LARGE1: variants seen among roughly 807,000 people sequenced by gnomAD.
The protein encoded by LARGE1 is xylosyl- and glucuronyltransferase LARGE1.
A neutral mutation model predicts 87.6 loss-of-function variants in LARGE1; 43 were observed. The ratio of observed to expected loss-of-function variants is 0.49; its 90% CI spans 0.38 to 0.63. The LOEUF is 0.63. LARGE1 is among the 30% of genes least tolerant of loss of function. LARGE1 has a pLI of 0.00. For synonymous variants in LARGE1, 434 were observed against 394.6 expected, an observed-to-expected ratio of 1.10 and a Z score of -1.18; for missense variants, 802 against 1,000.2, an observed-to-expected ratio of 0.80 and a Z score of 2.67.
chr22:33,747,413 A>G (rs79058074), intron 2 of LARGE1, among the ~76,000 whole-genome samples: 6,450 of 151,892 alleles, frequency 0.042, 393 homozygotes, highest in African/African-American at 0.14. Flanking sequence ...CAAAAGCACC[A>G]AGCACTCTCC....
chr22:33,732,521 G>A (rs1229222136), intron 2 of LARGE1: 1 of 152,646 alleles, frequency 6.6e-6, no homozygotes, highest in Non-Finnish European at 1.5e-5. Context: ...GATTTGGGAA[G>A]TTGACAGAGA....
chr22:33,458,645 C>T (rs2068241311), intron 6 of LARGE1, among the ~76,000 whole-genome samples: 2 of 150,636 alleles, frequency 1.3e-5, no homozygotes, highest in Non-Finnish European at 3.0e-5. Context: ...TCAGGCTGGT[C>T]TCGAACTCCT....
At position 33,384,291 on chromosome 22, in the gene LARGE1, T is replaced by A. The variant is rs1251023666; in HGVS notation, c.906A>T (p.Leu302Phe). Residue 302 changes from leucine (L) to phenylalanine (F), a missense_variant, in exon 8 of 15, where the codon TTA becomes TTT. Physicochemically the swap from Leu to Phe is conservative, Grantham distance 22. Around this residue, in one of 2 missense-constraint regions of LARGE1, gnomAD observed 625 missense variants for 841.9 expected, o/e 0.74. Transcript: ENST00000397394. ...TCATCTTCCGCAGCTTATCCAGAAG[T>A]AACAGGATCACCCCTGGGCAACAGC... is the stretch of plus-strand genomic sequence containing the variant. The part of the protein sequence containing the change: ...GRGYNTGVIL[L>F]LLDKLRKMKW... 1.2e-6 allele frequency: 2 copies of A among 1,613,322 alleles called. No individual in the cohort carries two copies. Among genetic ancestry groups the A allele is most frequent in the Admixed American group, 3.3e-5 (2 of 59,982 alleles).
intron 1 of LARGE1, among the ~76,000 whole-genome samples, chr22:33,774,086 T>TGGGGGGGGGGGGGG (rs1341622351): frequency 1.3e-5 from 1 of 77,706 alleles, no homozygotes; most frequent in African/African-American, 5.2e-5. Context: ...GGGGTGGGGG[T>TGGGGGGGGGGGGGG]GGAGGGGCGG....
intron 5 of LARGE1, among the ~76,000 whole-genome samples, chr22:33,600,961 T>G (rs536452825): frequency 8.5e-5 from 13 of 152,068 alleles, no homozygotes; most frequent in African/African-American, 3.1e-4. Flanking sequence ...GCTACTCTAC[T>G]CAGGAGGCCG....
intron 5 of LARGE1, among the ~76,000 whole-genome samples, chr22:33,566,457 T>C (rs1172621638): frequency 2.6e-5 from 4 of 152,144 alleles, no homozygotes; most frequent in Non-Finnish European, 4.4e-5. Flanking sequence ...GACATCAAAC[T>C]GTGTGCGGAG....
chr22:33,321,247 G>A (rs762426472), intron 10 of LARGE1, among the ~76,000 whole-genome samples: 53 of 152,244 alleles, frequency 3.5e-4, no homozygotes, highest in Non-Finnish European at 6.3e-4. Flanking sequence ...GGCCCCTGAA[G>A]ACACCTATGT....
chr22:33,780,223 A>C (rs1409995806), intron 1 of LARGE1, among the ~76,000 whole-genome samples: 1 of 152,166 alleles, frequency 6.6e-6, no homozygotes, highest in Non-Finnish European at 1.5e-5. Context: ...ACCTCAACTA[A>C]TTGCATCTGC....
At chr22:33,795,834 C>T (rs1226425263) in intron 1 of LARGE1, among the ~76,000 whole-genome samples, 1 of 151,906 alleles carries the variant, frequency 6.6e-6, no homozygotes, top group Non-Finnish European at 1.5e-5. Flanking sequence ...GAACATCACA[C>T]ACTGGGGTCT....
At chr22:33,157,347 C>T (rs528930140), downstream of LARGE1, among the ~76,000 whole-genome samples, 79 of 152,330 alleles carry the variant, frequency 5.2e-4, no homozygotes, top group African/African-American at 1.8e-3. Flanking sequence ...AAATGGAAAT[C>T]TGGTCATGGT....
At chr22:33,108,565 G>C in the LARGE1 span, 1 of 152,156 alleles carries the variant, frequency 6.6e-6, no homozygotes, top group Admixed American at 6.5e-5. Flanking sequence ...GATGGGGGTT[G>C]GGGGATGGAT....
chr22:33,445,396 T>C (rs762693681), intron 6 of LARGE1, among the ~76,000 whole-genome samples: 54 of 151,958 alleles, frequency 3.6e-4, no homozygotes, highest in Non-Finnish European at 6.9e-4. Context: ...TGCTGAAAGG[T>C]GGGAAGTTAG....
intron 6 of LARGE1, among the ~76,000 whole-genome samples, chr22:33,544,575 C>T (rs2077300422): frequency 1.3e-5 from 2 of 152,028 alleles, no homozygotes; most frequent in Non-Finnish European, 2.9e-5. Flanking sequence ...ATCCCAGCTA[C>T]TTGGGAGGCT....
intron 7 of LARGE1, among the ~76,000 whole-genome samples, chr22:33,427,431 C>T (rs909516968): frequency 2.0e-5 from 3 of 152,120 alleles, no homozygotes; most frequent in African/African-American, 7.2e-5. Flanking sequence ...TGTTTTGTGG[C>T]CATGTAGGCT....
chr22:33,589,390 G>GTA (rs1239689018), intron 5 of LARGE1, among the ~76,000 whole-genome samples: 1 of 151,802 alleles, frequency 6.6e-6, no homozygotes, highest in African/African-American at 2.4e-5. Flanking sequence ...TTATATTGTT[G>GTA]TATACCTTTA....
intron 2 of LARGE1, among the ~76,000 whole-genome samples, chr22:33,740,960 T>C (rs2149515727): frequency 6.6e-6 from 1 of 152,332 alleles, no homozygotes; most frequent in African/African-American, 2.4e-5. Context: ...GAAAGAGGCA[T>C]GGAAGAATCC....
intron 1 of LARGE1, among the ~76,000 whole-genome samples, chr22:33,787,325 T>C (rs2085679982): frequency 6.6e-6 from 1 of 152,296 alleles, no homozygotes; most frequent in Non-Finnish European, 1.5e-5. Flanking sequence ...TCCCTGGCAA[T>C]AAGTGAGTGC....
At chr22:33,068,312 C>G in the LARGE1 span, among the ~76,000 whole-genome samples, 1 of 152,122 alleles carries the variant, frequency 6.6e-6, no homozygotes, top group Non-Finnish European at 1.5e-5. Flanking sequence ...ATCTCCATTA[C>G]GCTGCTATAC....
chr22:33,885,552 T>C (rs1340521587), intron 1 of LARGE1, among the ~76,000 whole-genome samples: 1 of 152,254 alleles, frequency 6.6e-6, no homozygotes, highest in Non-Finnish European at 1.5e-5. Flanking sequence ...AGCTTGTTAA[T>C]GTGCTTTATA....
Sources: allele counts gnomAD v4.1 joint callset (sites outside exome capture counted in the v4.1 genomes callset), GRCh38; gene constraint gnomAD v4.1.1; regional missense constraint gnomAD v4.1.1; transcripts MANE v1.5; gene names NCBI Gene and HGNC (gene_info 2026-07-23, HGNC 2026-07-21).